UGGT2: variants seen among roughly 807,000 people sequenced by gnomAD.
The protein encoded by UGGT2 is UDP-glucose:glycoprotein glucosyltransferase 2.
A neutral mutation model predicts 192.1 loss-of-function variants in UGGT2; 180 were observed. That is an observed-to-expected ratio of 0.94 (90% CI 0.83 to 1.06). The LOEUF is 1.06. Ranked by LOEUF, UGGT2 falls within the 50% of genes least tolerant of loss-of-function variation. UGGT2 has a pLI of 0.00. For missense variants in UGGT2, 1,849 were observed against 1,795.7 expected (o/e 1.03, Z -0.54); for synonymous variants, 580 against 591.0 (o/e 0.98, Z 0.27).
chr13:95,961,765 T>C (rs1012919680), intron 12 of UGGT2, among the ~76,000 whole-genome samples: 26 of 152,144 alleles, frequency 1.7e-4, no homozygotes, highest in African/African-American at 5.8e-4. Context: ...CAATATTTCA[T>C]CCAATAGCTA....
intron 20 of UGGT2, among the ~76,000 whole-genome samples, chr13:95,917,374 T>A (rs1310344201): frequency 6.6e-6 from 1 of 152,134 alleles, no homozygotes; most frequent in East Asian, 1.9e-4. Flanking sequence ...AGGGAATTCA[T>A]CACCACCAGG....
At position 95,928,403 on chromosome 13, in the gene UGGT2, CGGCTGCCGGGCGGAGG is replaced by C. The variant is rs2049114833; in HGVS notation, c.1978-1083_1978-1068del. ...GACGCTCCTCACTTCCCGGACGGGG[CGGCTGCCGGGCGGAGG>C]GGCTCCTCACTTCCCAGATGGGGCG... is the stretch of plus-strand genomic sequence containing the variant. On this transcript the variant is annotated intron_variant, in intron 17 of 38. Coordinates refer to ENST00000376747, the MANE Select transcript of UGGT2 (RefSeq NM_020121.4). Among the ~76,000 whole-genome samples, 7 of 150,646 alleles carry C rather than the reference CGGCTGCCGGGCGGAGG, an allele frequency of 4.6e-5. No individual in the cohort carries two copies. The South Asian group carries it at 1.5e-3, about 32-fold the overall frequency.
At chr13:95,825,361 A>G (rs1051182582) in intron 38 of UGGT2, among the ~76,000 whole-genome samples, 3 of 152,144 alleles carry the variant, frequency 2.0e-5, no homozygotes, top group African/African-American at 4.8e-5. Context: ...GGAGCTCTCA[A>G]TTAGATGCAC....
chr13:95,929,563 T>C (rs1049995427), intron 17 of UGGT2, among the ~76,000 whole-genome samples: 3 of 152,164 alleles, frequency 2.0e-5, no homozygotes, highest in African/African-American at 7.2e-5. Flanking sequence ...TGGTTTCCTG[T>C]TTCTGTGTTA....
At chr13:95,893,898 CCCT>C (rs2047875123) in intron 24 of UGGT2, among the ~76,000 whole-genome samples, 1 of 152,262 alleles carries the variant, frequency 6.6e-6, no homozygotes, top group South Asian at 2.1e-4. Flanking sequence ...AATCCTTGGA[CCCT>C]TGGTCCACGC....
At chr13:95,952,335 C>T (rs1045596011) in intron 12 of UGGT2, among the ~76,000 whole-genome samples, 3 of 152,072 alleles carry the variant, frequency 2.0e-5, no homozygotes, top group African/African-American at 7.2e-5. Flanking sequence ...GATATACCCA[C>T]CCCCTAGTAT....
intron 12 of UGGT2, among the ~76,000 whole-genome samples, chr13:95,956,391 GAATA>G (rs2050212539): frequency 6.6e-6 from 1 of 152,096 alleles, no homozygotes; most frequent in Non-Finnish European, 1.5e-5. Context: ...TACAGAATGG[GAATA>G]AATATTTGCA....
chr13:95,973,377 G>T (rs1375797836), intron 10 of UGGT2, among the ~76,000 whole-genome samples: 1 of 152,008 alleles, frequency 6.6e-6, no homozygotes, highest in Non-Finnish European at 1.5e-5. Context: ...CAGTTCTAAT[G>T]TTACAATAAT....
At chr13:95,940,247 A>G (rs1400015470) in intron 15 of UGGT2, among the ~76,000 whole-genome samples, 156 bp from the exon 16 acceptor site, 1 of 151,872 alleles carries the variant, frequency 6.6e-6, no homozygotes, top group Non-Finnish European at 1.5e-5. Flanking sequence ...ACCATATATC[A>G]TCTTTTAATA....
At chr13:96,021,511 C>T (rs922905508) in intron 4 of UGGT2, among the ~76,000 whole-genome samples, 7 of 151,894 alleles carry the variant, frequency 4.6e-5, no homozygotes, top group East Asian at 1.9e-4. Context: ...ATTCACTTTA[C>T]GAAAGTAGAA....
intron 17 of UGGT2, among the ~76,000 whole-genome samples, chr13:95,932,246 G>A (rs1426509263): frequency 6.6e-6 from 1 of 151,590 alleles, no homozygotes; most frequent in East Asian, 1.9e-4. Flanking sequence ...TTTCAGCAGT[G>A]TTTAGTAATT....
At chr13:96,029,777 A>C (rs1307738238) in intron 2 of UGGT2, among the ~76,000 whole-genome samples, 1 of 152,248 alleles carries the variant, frequency 6.6e-6, no homozygotes, top group African/African-American at 2.4e-5. Flanking sequence ...AAGTAACTTA[A>C]AATGAATTTG....
At chr13:95,830,384 G>C (rs1021585700) in intron 38 of UGGT2, among the ~76,000 whole-genome samples, 1 of 152,102 alleles carries the variant, frequency 6.6e-6, no homozygotes, top group South Asian at 2.1e-4. Context: ...CTACCCATCT[G>C]ACAAAGGGCT....
intron 29 of UGGT2, among the ~76,000 whole-genome samples, chr13:95,868,292 TCAC>T (rs1260402432): frequency 6.6e-6 from 1 of 152,072 alleles, no homozygotes; most frequent in Non-Finnish European, 1.5e-5. Context: ...TGTCCAACAA[TCAC>T]CACTAGAAAA....
chr13:95,988,764 T>C (rs1226110558), intron 8 of UGGT2, among the ~76,000 whole-genome samples: 1 of 152,122 alleles, frequency 6.6e-6, no homozygotes, highest in Non-Finnish European at 1.5e-5. Flanking sequence ...AAATGTAACA[T>C]TCAATATTCT....
At chr13:95,858,749 G>A (rs1889868853) in intron 33 of UGGT2, among the ~76,000 whole-genome samples, 1 of 152,064 alleles carries the variant, frequency 6.6e-6, no homozygotes, top group Admixed American at 6.6e-5. Context: ...ATCTAAAAGT[G>A]GTCTCAGGTA....
intron 1 of UGGT2, among the ~76,000 whole-genome samples, chr13:96,041,676 T>A (rs1367036886): frequency 6.6e-6 from 1 of 152,168 alleles, no homozygotes; most frequent in African/African-American, 2.4e-5. Context: ...TCAGTGCTGT[T>A]GGGTGGGGCA....
chr13:96,022,783 A>T (rs1422082816), intron 4 of UGGT2, among the ~76,000 whole-genome samples: 1 of 151,942 alleles, frequency 6.6e-6, no homozygotes. Context: ...TCAGTTTTGC[A>T]TGTTTATTTC....
chr13:95,958,443 G>T (rs540930743), intron 12 of UGGT2, among the ~76,000 whole-genome samples: 2 of 152,184 alleles, frequency 1.3e-5, no homozygotes, highest in African/African-American at 4.8e-5. Context: ...AAGCCTCCAC[G>T]CCTGGCCAAA....
Sources: gnomAD v4.1 joint callset for allele counts (sites outside exome capture counted in the v4.1 genomes callset) on GRCh38, gnomAD v4.1.1 for gene constraint, MANE v1.5 for transcripts, NCBI Gene and HGNC (gene_info 2026-07-23, HGNC 2026-07-21) for gene names.